PTPRD: variants seen among roughly 807,000 people sequenced by gnomAD.
PTPRD encodes the protein receptor-type tyrosine-protein phosphatase delta.
A neutral mutation model predicts 214.5 loss-of-function variants in PTPRD; 34 were observed. The ratio of observed to expected loss-of-function variants is 0.16; its 90% CI spans 0.12 to 0.21. The LOEUF (loss-of-function observed/expected upper bound fraction) is 0.21. Ranked by LOEUF, PTPRD falls within the 10% of genes least tolerant of loss-of-function variation. The pLI, the probability that PTPRD is intolerant of heterozygous loss-of-function variation, is 1.00. For missense variants in PTPRD, 2,545 were observed against 2,398.7 expected (o/e 1.06, Z -1.27); for synonymous variants, 1,128 against 845.7 (o/e 1.33, Z -5.79).
chr9:10,442,684 G>C (rs1399324605), intron 2 of PTPRD, among the ~76,000 whole-genome samples: 1 of 151,544 alleles, frequency 6.6e-6, no homozygotes, highest in Non-Finnish European at 1.5e-5. Flanking sequence ...AAAATTTGTA[G>C]GTTAGAGTAC....
intron 12 of PTPRD, among the ~76,000 whole-genome samples, chr9:8,641,362 A>G (rs1400763539): frequency 1.3e-5 from 2 of 148,464 alleles, no homozygotes; most frequent in East Asian, 3.9e-4. Context: ...AGAACTTTCC[A>G]GTCACCATTA....
intron 11 of PTPRD, among the ~76,000 whole-genome samples, chr9:8,948,410 T>A (rs1353960467): frequency 1.5e-5 from 1 of 67,562 alleles, no homozygotes; most frequent in African/African-American, 5.5e-5. Flanking sequence ...GTTTAAAATA[T>A]ATATATATAT....
chr9:9,065,480 G>A (rs1318958860), intron 10 of PTPRD, among the ~76,000 whole-genome samples: 2 of 152,142 alleles, frequency 1.3e-5, no homozygotes, highest in East Asian at 1.9e-4. Context: ...AGGGAAGTGG[G>A]AGTAAGATAC....
intron 10 of PTPRD, among the ~76,000 whole-genome samples, chr9:9,064,654 G>C (rs1263746065): frequency 1.3e-5 from 2 of 152,148 alleles, no homozygotes; most frequent in Non-Finnish European, 2.9e-5. Context: ...AGATGACTGA[G>C]ACTCCGAACT....
intron 2 of PTPRD, among the ~76,000 whole-genome samples, chr9:10,488,081 A>C (rs892238098): frequency 6.6e-6 from 1 of 151,222 alleles, no homozygotes; most frequent in Non-Finnish European, 1.5e-5. Context: ...AGACTGTGCC[A>C]GGTCGGCTGG....
chr9:10,088,767 C>T (rs1451550702), intron 3 of PTPRD, among the ~76,000 whole-genome samples: 1 of 151,644 alleles, frequency 6.6e-6, no homozygotes, highest in Non-Finnish European at 1.5e-5. Context: ...GTGTAATATA[C>T]ATAAGCTGGC....
chr9:8,479,251 T>C (rs892906012), intron 30 of PTPRD, among the ~76,000 whole-genome samples: 7 of 152,206 alleles, frequency 4.6e-5, no homozygotes, highest in Non-Finnish European at 1.5e-5. Flanking sequence ...ATAGAAATCA[T>C]CTAAGGCTTT....
At chr9:10,005,422 G>A (rs976881148) in intron 4 of PTPRD, among the ~76,000 whole-genome samples, 2 of 152,092 alleles carry the variant, frequency 1.3e-5, no homozygotes, top group Non-Finnish European at 2.9e-5. Flanking sequence ...CTAAGTTGCA[G>A]CTCCCTCTCT....
intron 10 of PTPRD, among the ~76,000 whole-genome samples, chr9:9,045,961 C>G (rs769610771): frequency 1.3e-5 from 2 of 152,124 alleles, no homozygotes; most frequent in African/African-American, 2.4e-5. Flanking sequence ...TCTCAGCTGC[C>G]TCGGTTCTGC....
At chr9:8,453,858 A>G (rs1016134439) in intron 33 of PTPRD, among the ~76,000 whole-genome samples, 1 of 152,160 alleles carries the variant, frequency 6.6e-6, no homozygotes, top group South Asian at 2.1e-4. Flanking sequence ...AGGCCACTCA[A>G]TGGAAACCAC....
Position 8,569,749 on chromosome 9 carries a change from T to G in PTPRD, c.353-40970A>C, listed in dbSNP as rs77836218. 4.8e-3 allele frequency among the ~76,000 whole-genome samples: 737 copies of G among 152,126 alleles called. 3 individuals are homozygous for G. Among genetic ancestry groups the G allele is most frequent in the African/African-American group, 0.017 (696 of 41,510 alleles). ...TAAAAGAAAGGACTTAAGAATCACC[T>G]CTATCAAAGAAAGTTTGTTTATTAT... On this transcript the variant is annotated intron_variant, in intron 14 of 45. Coordinates refer to ENST00000381196, the MANE Select transcript of PTPRD (RefSeq NM_002839.4).
Position 10,121,764 on chromosome 9 carries a change from C to T in PTPRD, c.-544-87974G>A, listed in dbSNP as rs74762700. Among the ~76,000 whole-genome samples, 312 of 152,238 alleles carry T rather than the reference C, an allele frequency of 2.0e-3. 2 individuals carry two copies. Among genetic ancestry groups the T allele is most frequent in the African/African-American group, 6.7e-3 (278 of 41,550 alleles). ...AATATTGAGTCTCTCTCAGTATTTA[C>T]GCAGACCCTTTGTAGGTACCATCCT... On this transcript the variant is annotated intron_variant, in intron 3 of 45. Transcript: ENST00000381196.
intron 10 of PTPRD, among the ~76,000 whole-genome samples, chr9:9,044,751 C>T (rs1317154465): frequency 1.3e-5 from 2 of 150,792 alleles, no homozygotes; most frequent in African/African-American, 4.9e-5. Context: ...ACATTTTCTC[C>T]CAACTTCTTC....
rs59871852 is a variant in PTPRD at position 9,717,054 on chromosome 9, C to T, written c.-287+17479G>A. Among the ~76,000 whole-genome samples the T allele has an allele frequency of 1.4e-3, 214 of 152,184 alleles. 1 individual carries two copies. The highest frequency in any genetic ancestry group is 4.6e-3 in the African/African-American group (191 of 41,520). On this transcript the variant is annotated intron_variant, in intron 7 of 45. Transcript: ENST00000381196. ...AAGGTGTAAGGAAGGGAACCAGTTT[C>T]AGCTTTCTCCATATGGCTAGCCAGT...
At position 10,422,973 on chromosome 9, in the gene PTPRD, A is replaced by G. The variant is rs533839829; in HGVS notation, c.-599-81956T>C. 1.1e-4 allele frequency among the ~76,000 whole-genome samples: 17 copies of G among 152,286 alleles called. No homozygotes were observed. The South Asian group carries it at 3.5e-3, about 32-fold the overall frequency. ...TTACTGGGTATATACCCAAAGGATTATAAATCATGCCACTATAAAGACACA... is the reference window on the plus strand; with the variant it reads ...TTACTGGGTATATACCCAAAGGATTGTAAATCATGCCACTATAAAGACACA... On this transcript the variant is annotated intron_variant, in intron 2 of 45. Coordinates refer to ENST00000381196, the MANE Select transcript of PTPRD (RefSeq NM_002839.4).
At chr9:9,313,690 G>C (rs902789117) in intron 9 of PTPRD, among the ~76,000 whole-genome samples, 2 of 152,118 alleles carry the variant, frequency 1.3e-5, no homozygotes, top group Non-Finnish European at 2.9e-5. Flanking sequence ...GGCAGAGAAG[G>C]TGTTTACATT....
rs777910266 is a variant in PTPRD, at chr9:9,058,442, G to GTTTTTTTTTTTTTTTTTTTTT, written c.-142-39728_-142-39708dup. Among the ~76,000 whole-genome samples, 31 of 69,916 alleles carry GTTTTTTTTTTTTTTTTTTTTT rather than the reference G, an allele frequency of 4.4e-4. 10 individuals carry two copies. Among genetic ancestry groups the GTTTTTTTTTTTTTTTTTTTTT allele is most frequent in the Non-Finnish European group, 7.1e-4 (27 of 38,076 alleles). 45.9% of individuals were successfully genotyped at this position (69,916 alleles called of 152,430 possible). A position where few individuals can be genotyped will look rare whatever the true frequency, so the allele number is the denominator to read the frequency against. On this transcript the variant is annotated intron_variant, in intron 10 of 45. Transcript: ENST00000381196. ...TATTGGTGAGAGAAATATTATGAGG[G>GTTTTTTTTTTTTTTTTTTTTT]TTTTTTTTTTTTTTTTTTTTTTTTT... is the stretch of plus-strand genomic sequence containing the variant.
intron 2 of PTPRD, among the ~76,000 whole-genome samples, chr9:10,595,203 A>C (rs566772663): frequency 1.6e-4 from 24 of 152,006 alleles, no homozygotes; most frequent in Admixed American, 3.3e-4. Flanking sequence ...AATCCATAGG[A>C]CTGTATTAAT....
At chr9:10,330,427 T>C (rs10121966) in intron 3 of PTPRD, among the ~76,000 whole-genome samples, 148,087 of 151,948 alleles carry the variant, frequency 0.97, 72,197 homozygotes, top group East Asian at 1. Context: ...TATAAGATAA[T>C]GTAGGAATCT....
Sources: gnomAD v4.1 joint callset for allele counts (sites outside exome capture counted in the v4.1 genomes callset) on GRCh38, gnomAD v4.1.1 for gene constraint, MANE v1.5 for transcripts, NCBI Gene and HGNC (gene_info 2026-07-23, HGNC 2026-07-21) for gene names.